Variants in FBXL2 observed in about 807,000 individuals in gnomAD.
FBXL2 encodes the protein F-box and leucine rich repeat protein 2.
A neutral mutation model predicts 69.2 loss-of-function variants in FBXL2; 38 were observed. The observed-to-expected ratio is 0.55, with a 90% CI of 0.42 to 0.72. FBXL2 has a LOEUF of 0.72. FBXL2 is among the 30% of genes least tolerant of loss of function. FBXL2 has a pLI of 0.00. For synonymous variants in FBXL2, 192 were observed against 201.3 expected (o/e 0.95, Z 0.39); for missense variants, 354 against 520.3 (o/e 0.68, Z 3.11).
downstream of FBXL2, chr3:33,391,111 T>C (rs888820569): frequency 2.8e-4 from 43 of 152,370 alleles, no homozygotes; most frequent in African/African-American, 7.7e-4. Context: ...AGGCTAAAGA[T>C]GTTTCTGAAA....
At chr3:33,337,661 A>T (rs2039697234) in intron 2 of FBXL2, among the ~76,000 whole-genome samples, 1 of 152,200 alleles carries the variant, frequency 6.6e-6, no homozygotes, top group Non-Finnish European at 1.5e-5. Context: ...GGTAGGAAGA[A>T]AGGAAGTCAA....
downstream of FBXL2, chr3:33,390,139 A>G: frequency 1.6e-6 from 1 of 609,412 alleles, no homozygotes; most frequent in Non-Finnish European, 2.9e-6. Context: ...CACTCTCATG[A>G]GGATGCTTGG....
intron 2 of FBXL2, among the ~76,000 whole-genome samples, chr3:33,344,849 A>G (rs1027692358): frequency 6.6e-6 from 1 of 152,202 alleles, no homozygotes; most frequent in Non-Finnish European, 1.5e-5. Flanking sequence ...CAAATAACTG[A>G]TACCAGAAAC....
intron 10 of FBXL2, 115 bp from the exon 11 acceptor site, chr3:33,377,158 C>G (rs1027456691): frequency 2.0e-6 from 2 of 1,014,394 alleles, no homozygotes; most frequent in East Asian, 4.8e-5. Context: ...GGGCTGTTAA[C>G]AGAGGCAAAA....
intron 2 of FBXL2, among the ~76,000 whole-genome samples, chr3:33,323,107 C>T (rs2125801881): frequency 6.6e-6 from 1 of 152,128 alleles, no homozygotes; most frequent in Admixed American, 6.5e-5. Context: ...TTATTTTGTC[C>T]TTTATGGTAA....
chr3:33,412,627 C>A, the FBXL2 span: 2 of 830,224 alleles, frequency 2.4e-6, no homozygotes, highest in Admixed American at 4.5e-5. Flanking sequence ...CCAAAACTTT[C>A]CCCACACAAG....
chr3:33,347,302 TCATTC>T, intron 2 of FBXL2, among the ~76,000 whole-genome samples: 1 of 152,372 alleles, frequency 6.6e-6, no homozygotes, highest in East Asian at 1.9e-4. Context: ...TGATAGGATC[TCATTC>T]TTTGTATGGC....
At chr3:33,312,269 G>T (rs2037279398) in intron 2 of FBXL2, among the ~76,000 whole-genome samples, 1 of 151,884 alleles carries the variant, frequency 6.6e-6, no homozygotes, top group Non-Finnish European at 1.5e-5. Context: ...TATTGCCCAG[G>T]CTGGTCTCCA....
the FBXL2 span, among the ~76,000 whole-genome samples, chr3:33,418,719 C>T: frequency 1.3e-5 from 2 of 151,410 alleles, no homozygotes; most frequent in Non-Finnish European, 2.9e-5. Context: ...ATTAGCTGGG[C>T]GTGGTGGTGC....
chr3:33,297,433 G>A (rs1020836410), intron 1 of FBXL2, among the ~76,000 whole-genome samples: 7 of 151,976 alleles, frequency 4.6e-5, no homozygotes, highest in African/African-American at 1.7e-4. Flanking sequence ...AGAACCTCTA[G>A]TACAATGTAG....
chr3:33,282,078 T>C (rs1269896615), intron 1 of FBXL2, among the ~76,000 whole-genome samples: 1 of 152,234 alleles, frequency 6.6e-6, no homozygotes, highest in Non-Finnish European at 1.5e-5. Flanking sequence ...ATTTTGGCTT[T>C]TGTTGCCATT....
rs2042445381 is a variant in FBXL2 at position 33,373,672 on chromosome 3, C to T, written c.550C>T (p.Leu184=). The T allele has an allele frequency of 1.2e-6, 2 of 1,614,184 alleles. No homozygotes were observed. The highest frequency in any genetic ancestry group is 1.6e-4 in the Middle Eastern group (1 of 6,062). ...GGCACTGGTGCGAGGTTGTCGAGGCCTGAAAGCCCTGCTCCTGAGGGGCTG... is the reference window on the plus strand; with the variant it reads ...GGCACTGGTGCGAGGTTGTCGAGGCTTGAAAGCCCTGCTCCTGAGGGGCTG... ...IEALVRGCRG[L]KALLLRGCTQ... Residue 184 remains leucine, a synonymous_variant, in exon 8 of 15, where the codon CTG becomes TTG. Coordinates refer to ENST00000484457, the MANE Select transcript of FBXL2 (RefSeq NM_012157.5).
downstream of FBXL2, among the ~76,000 whole-genome samples, chr3:33,407,945 G>A (rs2044470673): frequency 6.6e-6 from 1 of 152,188 alleles, no homozygotes; most frequent in African/African-American, 2.4e-5. Flanking sequence ...GAAGAGTCAT[G>A]TCATAAAATA....
At chr3:33,359,852 A>T (rs2041488198) in intron 4 of FBXL2, among the ~76,000 whole-genome samples, 1 of 152,176 alleles carries the variant, frequency 6.6e-6, no homozygotes, top group Admixed American at 6.5e-5. Context: ...ATTAAGTCTT[A>T]TACAATTATT....
intron 2 of FBXL2, among the ~76,000 whole-genome samples, chr3:33,344,094 G>T (rs2040265994): frequency 6.7e-6 from 1 of 149,530 alleles, no homozygotes; most frequent in East Asian, 2.0e-4. Flanking sequence ...TACAAAAAAA[G>T]ATAACACTCA....
At chr3:33,400,816 A>G in intron 12 of FBXL2, 2 of 724,958 alleles carry the variant, frequency 2.8e-6, no homozygotes, top group South Asian at 1.8e-5. Context: ...CAGGTGATGG[A>G]CACCCAAAAT....
intron 2 of FBXL2, among the ~76,000 whole-genome samples, chr3:33,300,186 A>G (rs866411580): frequency 6.6e-6 from 1 of 152,096 alleles, no homozygotes; most frequent in Non-Finnish European, 1.5e-5. Flanking sequence ...CAAGGCTACT[A>G]ACTGAATGGT....
At chr3:33,390,208 T>C, downstream of FBXL2, 1 of 973,852 alleles carries the variant, frequency 1.0e-6, no homozygotes, top group Non-Finnish European at 1.6e-6. Flanking sequence ...AAGGTCATCT[T>C]GTGTTTTCAA....
chr3:33,307,112 A>G (rs924254068), intron 2 of FBXL2, among the ~76,000 whole-genome samples: 1 of 152,152 alleles, frequency 6.6e-6, no homozygotes, highest in Admixed American at 6.6e-5. Context: ...TGTTAATTAC[A>G]AAAGGAAAAA....
Sources: allele counts gnomAD v4.1 joint callset (sites outside exome capture counted in the v4.1 genomes callset), GRCh38; gene constraint gnomAD v4.1.1; transcripts MANE v1.5; gene names NCBI Gene and HGNC (gene_info 2026-07-23, HGNC 2026-07-21).